RALGAPA2: variants seen among roughly 807,000 people sequenced by gnomAD.
RALGAPA2 encodes the protein Ral GTPase activating protein catalytic subunit alpha 2, also known as ral GTPase-activating protein subunit alpha-2.
A neutral mutation model predicts 230.4 loss-of-function variants in RALGAPA2; 139 were observed. That is an observed-to-expected ratio of 0.60 (90% CI 0.53 to 0.69). The LOEUF is 0.69. Among genes scored for constraint, RALGAPA2 ranks in the 30% least tolerant of loss-of-function variants. The pLI, the probability that RALGAPA2 is intolerant of heterozygous loss-of-function variation, is 0.00. For missense variants in RALGAPA2, 2,163 were observed against 2,276.0 expected, an observed-to-expected ratio of 0.95 and a Z score of 1.01; for synonymous variants, 847 against 837.8, an observed-to-expected ratio of 1.01 and a Z score of -0.19.
chr20:20,599,956 T>C (rs989417340), intron 16 of RALGAPA2, among the ~76,000 whole-genome samples: 1 of 149,294 alleles, frequency 6.7e-6, no homozygotes, highest in Non-Finnish European at 1.5e-5. Flanking sequence ...CTGGGCTTTT[T>C]TTTAAGACTC....
intron 1 of RALGAPA2, among the ~76,000 whole-genome samples, chr20:20,710,322 T>C (rs1467802064): frequency 2.0e-5 from 3 of 151,762 alleles, no homozygotes; most frequent in Non-Finnish European, 2.9e-5. Context: ...GCCTTTGTTT[T>C]CTAAGTAGAC....
chr20:20,682,322 A>G (rs2068548762), intron 1 of RALGAPA2, among the ~76,000 whole-genome samples: 1 of 152,208 alleles, frequency 6.6e-6, no homozygotes, highest in African/African-American at 2.4e-5. Context: ...TAACCTTCCT[A>G]TGATCTATAC....
intron 37 of RALGAPA2, among the ~76,000 whole-genome samples, chr20:20,455,320 G>A (rs1223590800): frequency 6.6e-6 from 1 of 152,246 alleles, no homozygotes; most frequent in African/African-American, 2.4e-5. Context: ...ATCTGCTCTG[G>A]CAGAAGGCCG....
At chr20:20,702,094 C>T (rs1469156486) in intron 1 of RALGAPA2, among the ~76,000 whole-genome samples, 1 of 151,520 alleles carries the variant, frequency 6.6e-6, no homozygotes, top group Non-Finnish European at 1.5e-5. Context: ...TGGTGCAAAG[C>T]CAAAGGCCAT....
At chr20:20,625,198 C>A (rs1385266631) in intron 10 of RALGAPA2, among the ~76,000 whole-genome samples, 2 of 152,180 alleles carry the variant, frequency 1.3e-5, no homozygotes, top group African/African-American at 4.8e-5. Flanking sequence ...CACCTGTACA[C>A]CCCCCTGTCT....
intron 36 of RALGAPA2, among the ~76,000 whole-genome samples, chr20:20,482,664 T>C (rs947562951): frequency 1.3e-5 from 2 of 152,134 alleles, no homozygotes; most frequent in African/African-American, 2.4e-5. Flanking sequence ...AGAAAGACTG[T>C]GGACAGAACA....
chr20:20,573,925 T>C (rs1469516200), intron 20 of RALGAPA2, among the ~76,000 whole-genome samples: 1 of 152,220 alleles, frequency 6.6e-6, no homozygotes. Context: ...TGTTAACATG[T>C]TTACATTTCT....
At chr20:20,604,722 G>A (rs115216254) in intron 15 of RALGAPA2, among the ~76,000 whole-genome samples, 5,486 of 150,660 alleles carry the variant, frequency 0.036, 122 homozygotes, top group South Asian at 0.062. Context: ...ATCAGCTATC[G>A]TTAGTTTTAC....
intron 37 of RALGAPA2, among the ~76,000 whole-genome samples, chr20:20,447,117 T>C (rs938426595): frequency 6.6e-6 from 1 of 152,248 alleles, no homozygotes; most frequent in African/African-American, 2.4e-5. Flanking sequence ...AAAAGTGGTT[T>C]GAGTCTCTTT....
At chr20:20,402,055 A>G (rs2059853283) in intron 38 of RALGAPA2, among the ~76,000 whole-genome samples, 1 of 152,222 alleles carries the variant, frequency 6.6e-6, no homozygotes, top group Non-Finnish European at 1.5e-5. Context: ...GGTCCCCCAC[A>G]GCAGGCACGG....
chr20:20,423,012 G>C (rs1029729836), intron 37 of RALGAPA2, among the ~76,000 whole-genome samples: 2 of 152,204 alleles, frequency 1.3e-5, no homozygotes, highest in African/African-American at 4.8e-5. Context: ...TGAACAGCAG[G>C]ACCTGATCTA....
chr20:20,497,273 C>T (rs894435428), intron 35 of RALGAPA2, among the ~76,000 whole-genome samples: 6 of 152,068 alleles, frequency 3.9e-5, no homozygotes, highest in African/African-American at 1.4e-4. Flanking sequence ...AAATTCAGTC[C>T]TTTTGAAGTG....
At chr20:20,520,856 G>GC (rs1259401861) in intron 31 of RALGAPA2, 61 bp downstream of exon 31, 13 of 1,343,000 alleles carry the variant, frequency 9.7e-6, no homozygotes, top group Non-Finnish European at 1.2e-5. Flanking sequence ...AGCAAGCATG[G>GC]CTAAAGGCTA....
At chr20:20,627,352 T>A (rs751062419) in intron 10 of RALGAPA2, among the ~76,000 whole-genome samples, 1 of 152,106 alleles carries the variant, frequency 6.6e-6, no homozygotes, top group East Asian at 1.9e-4. Context: ...GAAGTTGATA[T>A]TAGGGGAAAA....
At chr20:20,607,505 A>G (rs1382584575) in intron 14 of RALGAPA2, among the ~76,000 whole-genome samples, 1 of 152,194 alleles carries the variant, frequency 6.6e-6, no homozygotes, top group East Asian at 1.9e-4. Context: ...TATTATGACT[A>G]AAATGCCATC....
At chr20:20,585,905 G>A (rs1321863476) in intron 18 of RALGAPA2, among the ~76,000 whole-genome samples, 1 of 151,888 alleles carries the variant, frequency 6.6e-6, no homozygotes, top group Non-Finnish European at 1.5e-5. Context: ...TGTTGACCAT[G>A]GCAAAACTGG....
At chr20:20,524,719 C>A in intron 29 of RALGAPA2, 111 bp downstream of exon 29, 2 of 1,290,050 alleles carry the variant, frequency 1.6e-6, no homozygotes, top group Non-Finnish European at 2.1e-6. Flanking sequence ...CTGTTAAGGC[C>A]AATAGAGAAG....
rs1182486081 is a variant in RALGAPA2, at chr20:20,398,769, G to A, written c.5618-2035C>T. Among the ~76,000 whole-genome samples, 1 of 152,178 alleles carries A rather than the reference G, an allele frequency of 6.6e-6. No individual in the cohort carries two copies. The highest frequency in any genetic ancestry group is 1.5e-5 in the Non-Finnish European group (1 of 68,024). On this transcript the variant is annotated intron_variant, in intron 38 of 39. Coordinates refer to ENST00000202677, the MANE Select transcript of RALGAPA2 (RefSeq NM_020343.4). The surrounding 1 kb of genome is among the most constrained non-coding windows in gnomAD (Gnocchi z 4.5). The stretch of plus-strand genomic sequence containing the variant: ...CTATCCCTTTGTCAAATGAGCAGCA[G>A]ATATGTGCCAGGTACTGTTTTAGGC...
At chr20:20,434,351 A>G (rs1022877427) in intron 37 of RALGAPA2, among the ~76,000 whole-genome samples, 4 of 152,016 alleles carry the variant, frequency 2.6e-5, no homozygotes, top group African/African-American at 9.7e-5. Context: ...TTTAAAATTA[A>G]TAAGTTCAAA....
Sources: gnomAD v4.1 joint callset for allele counts (sites outside exome capture counted in the v4.1 genomes callset) on GRCh38, gnomAD v4.1.1 for gene constraint, Gnocchi (gnomAD v3.1) non-coding constraint, MANE v1.5 for transcripts, NCBI Gene and HGNC (gene_info 2026-07-23, HGNC 2026-07-21) for gene names.